The following SMYD3 variants were observed in gnomAD, a reference collection of about 807,000 sequenced individuals.
SMYD3 encodes SET and MYND domain containing 3.
In SMYD3, 36 loss-of-function variants were observed where a neutral mutation model predicts 57.7. That is an observed-to-expected ratio of 0.62 (90% CI 0.48 to 0.82). SMYD3 has a LOEUF of 0.82. Among genes scored for constraint, SMYD3 ranks in the 40% least tolerant of loss-of-function variants. The probability of loss-of-function intolerance (pLI) is 0.00; values close to 1 mark genes in which losing one functional copy is unlikely to be tolerated. For missense variants in SMYD3, 515 were observed against 538.8 expected (o/e 0.96, Z 0.44); for synonymous variants, 211 against 195.0 (o/e 1.08, Z -0.68).
At chr1:245,808,245 A>G (rs1427635753) in intron 10 of SMYD3, among the ~76,000 whole-genome samples, 8 of 152,106 alleles carry the variant, frequency 5.3e-5, no homozygotes, top group Non-Finnish European at 5.9e-5. Context: ...AAGATGGCAT[A>G]CTTGTTTCTT....
At chr1:246,271,609 T>C (rs528096895) in intron 5 of SMYD3, among the ~76,000 whole-genome samples, 8 of 152,308 alleles carry the variant, frequency 5.3e-5, no homozygotes, top group Middle Eastern at 3.4e-3. Flanking sequence ...TTTGACCATA[T>C]AGGTGAGGTT....
At chr1:246,190,234 G>T (rs546055121) in intron 5 of SMYD3, among the ~76,000 whole-genome samples, 4 of 152,286 alleles carry the variant, frequency 2.6e-5, no homozygotes, top group South Asian at 4.1e-4. Flanking sequence ...GTAAAATGGT[G>T]CGTATAAAGC....
intron 10 of SMYD3, among the ~76,000 whole-genome samples, chr1:245,816,328 T>A (rs544117410): frequency 2.0e-5 from 3 of 151,708 alleles, no homozygotes; most frequent in Non-Finnish European, 4.4e-5. Context: ...CATTACTGTA[T>A]CAATCAGGCC....
At chr1:245,891,002 T>C (rs1169057981) in intron 8 of SMYD3, among the ~76,000 whole-genome samples, 2 of 152,162 alleles carry the variant, frequency 1.3e-5, no homozygotes, top group Non-Finnish European at 2.9e-5. Context: ...CACTAATTTG[T>C]AGGAGCTAAA....
At chr1:245,989,148 C>T (rs2058763924) in intron 5 of SMYD3, among the ~76,000 whole-genome samples, 1 of 152,210 alleles carries the variant, frequency 6.6e-6, no homozygotes, top group African/African-American at 2.4e-5. Context: ...CCAATTAATA[C>T]CTGTCTTCAC....
At chr1:245,801,041 A>G (rs1250354997) in intron 10 of SMYD3, among the ~76,000 whole-genome samples, 1 of 152,202 alleles carries the variant, frequency 6.6e-6, no homozygotes, top group East Asian at 1.9e-4. Context: ...TCTAGATACT[A>G]TTATGCAGGG....
intron 5 of SMYD3, among the ~76,000 whole-genome samples, chr1:246,044,534 C>T (rs1313184593): frequency 6.6e-6 from 1 of 152,122 alleles, no homozygotes; most frequent in Non-Finnish European, 1.5e-5. Context: ...ATCAGTCAGG[C>T]TCCGTCTCAT....
chr1:245,833,073 A>AAC (rs36111391), intron 10 of SMYD3, among the ~76,000 whole-genome samples: 77,885 of 128,948 alleles, frequency 0.6, 28,035 homozygotes, highest in Non-Finnish European at 0.78. Flanking sequence ...AAAAAAAAAA[A>AAC]AACCTGCTTT....
At chr1:246,437,305 A>G (rs1188275801) in intron 1 of SMYD3, among the ~76,000 whole-genome samples, 1 of 151,978 alleles carries the variant, frequency 6.6e-6, no homozygotes, top group Non-Finnish European at 1.5e-5. Flanking sequence ...GTGGGTATGA[A>G]CTCCCCTCAT....
At chr1:246,162,542 T>G (rs1175254578) in intron 5 of SMYD3, among the ~76,000 whole-genome samples, 1 of 152,256 alleles carries the variant, frequency 6.6e-6, no homozygotes, top group Non-Finnish European at 1.5e-5. Context: ...TTTTTGTTTG[T>G]GTTACCCCTA....
At chr1:246,462,282 ACAGTGCATCCTCTCGCGGGGC>A (rs2067812318) in intron 1 of SMYD3, among the ~76,000 whole-genome samples, 2 of 16,412 alleles carry the variant, frequency 1.2e-4, no homozygotes, top group African/African-American at 3.9e-4. Context: ...CCTGCTGGGT[ACAGTGCATCCTCTCGCGGGGC>A]CTGCTGGGTA....
At chr1:246,236,903 G>A (rs12089376) in intron 5 of SMYD3, among the ~76,000 whole-genome samples, 40,533 of 151,882 alleles carry the variant, frequency 0.27, 6,103 homozygotes, top group East Asian at 0.58. Flanking sequence ...GAATACTATG[G>A]CCAAACCAAG....
chr1:246,429,105 C>T (rs1230089262), intron 1 of SMYD3, among the ~76,000 whole-genome samples: 1 of 150,490 alleles, frequency 6.6e-6, no homozygotes, highest in East Asian at 2.0e-4. Context: ...AATAAGGTTG[C>T]CCAGAGTTAT....
intron 1 of SMYD3, chr1:246,426,228 G>A (rs1234637470): frequency 1.3e-5 from 2 of 152,022 alleles, no homozygotes; most frequent in African/African-American, 4.8e-5. Context: ...ACTGAGTTGG[G>A]ATTTTTTAAC....
chr1:246,141,022 G>C (rs532881364), intron 5 of SMYD3, among the ~76,000 whole-genome samples: 49 of 152,266 alleles, frequency 3.2e-4, no homozygotes, highest in African/African-American at 1.2e-3. Flanking sequence ...TGACAGTAGA[G>C]GTATTGTCAG....
intron 8 of SMYD3, among the ~76,000 whole-genome samples, chr1:245,867,862 G>A (rs185490095): frequency 6.6e-6 from 1 of 152,334 alleles, no homozygotes; most frequent in African/African-American, 2.4e-5. Flanking sequence ...GAAGAGCGGA[G>A]GGCAAGTGCG....
At chr1:246,501,540 C>G (rs2068454969) in intron 1 of SMYD3, among the ~76,000 whole-genome samples, 2 of 152,254 alleles carry the variant, frequency 1.3e-5, no homozygotes, top group African/African-American at 2.4e-5. Flanking sequence ...TTTCTCTGAC[C>G]ACATGAGGAC....
rs145156185 is a variant in SMYD3, at chr1:246,412,525, G to T, written c.165-57431C>A. The stretch of plus-strand genomic sequence containing the variant: ...TGACAACTATTTAATGTGTTAAAAA[G>T]AATACTACCTGATTTTTTTTTTTCA... On this transcript the variant is annotated intron_variant, in intron 1 of 11. Transcript: ENST00000490107. Among the ~76,000 whole-genome samples the T allele has an allele frequency of 1.2e-3, 187 of 151,512 alleles. 1 individual carries two copies. Among genetic ancestry groups the T allele is most frequent in the African/African-American group, 4.3e-3 (177 of 41,300 alleles).
At chr1:246,220,014 C>T (rs1243567791) in intron 5 of SMYD3, among the ~76,000 whole-genome samples, 1 of 152,156 alleles carries the variant, frequency 6.6e-6, no homozygotes, top group Non-Finnish European at 1.5e-5. Context: ...GTTGCAAGTC[C>T]CACGAGGGTG....
Sources: gnomAD v4.1 joint callset for allele counts (sites outside exome capture counted in the v4.1 genomes callset) on GRCh38, gnomAD v4.1.1 for gene constraint, MANE v1.5 for transcripts, NCBI Gene and HGNC (gene_info 2026-07-23, HGNC 2026-07-21) for gene names.